Variants in TSHR observed in about 807,000 individuals in gnomAD.
TSHR encodes the protein thyrotropin receptor.
A neutral mutation model predicts 64.1 loss-of-function variants in TSHR; 51 were observed. The observed-to-expected ratio is 0.80, with a 90% CI of 0.64 to 1.01. The LOEUF is 1.01. Ranked by LOEUF, TSHR falls within the 50% of genes least tolerant of loss-of-function variation. TSHR has a pLI of 0.00. For missense variants in TSHR, 877 were observed against 942.8 expected, an observed-to-expected ratio of 0.93 and a Z score of 0.91; for synonymous variants, 361 against 361.9, an observed-to-expected ratio of 1.00 and a Z score of 0.03.
intron 8 of TSHR, among the ~76,000 whole-genome samples, chr14:81,128,134 T>G (rs1407243128): frequency 6.6e-6 from 1 of 152,234 alleles, no homozygotes; most frequent in African/African-American, 2.4e-5. Flanking sequence ...CACATAGACT[T>G]TAAGAAAAGA....
chr14:80,973,723 T>C (rs751483635), intron 1 of TSHR, among the ~76,000 whole-genome samples: 13 of 152,242 alleles, frequency 8.5e-5, no homozygotes, highest in Non-Finnish European at 1.6e-4. Flanking sequence ...ATCCTATTTC[T>C]ATCGATGTTT....
chr14:81,128,182 C>T (rs764141125), intron 8 of TSHR, among the ~76,000 whole-genome samples: 3 of 152,274 alleles, frequency 2.0e-5, no homozygotes, highest in Admixed American at 6.5e-5. Context: ...TAGTCAGACA[C>T]GAATTTTCTT....
At chr14:81,041,615 C>A (rs1156235441) in intron 1 of TSHR, among the ~76,000 whole-genome samples, 1 of 152,068 alleles carries the variant, frequency 6.6e-6, no homozygotes, top group African/African-American at 2.4e-5. Context: ...CAACAAACCC[C>A]CAGGACACAA....
intron 1 of TSHR, among the ~76,000 whole-genome samples, chr14:80,974,943 A>G (rs1208319520): frequency 6.6e-6 from 1 of 152,260 alleles, no homozygotes; most frequent in East Asian, 1.9e-4. Flanking sequence ...TTACACAGTA[A>G]GAGTGCTAAG....
intron 1 of TSHR, among the ~76,000 whole-genome samples, chr14:80,956,488 T>G (rs977379674): frequency 6.6e-6 from 1 of 152,342 alleles, no homozygotes; most frequent in Admixed American, 6.5e-5. Flanking sequence ...ATCTGCATGT[T>G]AAATGTTACC....
intron 8 of TSHR, among the ~76,000 whole-genome samples, chr14:81,138,783 A>C (rs2140100536): frequency 6.6e-6 from 1 of 152,352 alleles, no homozygotes; most frequent in South Asian, 2.1e-4. Flanking sequence ...AAATGGAATT[A>C]TCTTCTATGA....
chr14:81,136,752 C>G (rs932645648), intron 8 of TSHR, among the ~76,000 whole-genome samples: 2 of 152,200 alleles, frequency 1.3e-5, no homozygotes, highest in Admixed American at 1.3e-4. Flanking sequence ...CCAACATCTA[C>G]TTTCTCCTTG....
chr14:81,002,339 C>T (rs1016144223), intron 1 of TSHR, among the ~76,000 whole-genome samples: 2 of 152,072 alleles, frequency 1.3e-5, no homozygotes, highest in Non-Finnish European at 2.9e-5. Flanking sequence ...AAGCTGAATT[C>T]AAATCCTATC....
At chr14:81,123,800 A>C (rs1394634709) in intron 8 of TSHR, among the ~76,000 whole-genome samples, 1 of 152,264 alleles carries the variant, frequency 6.6e-6, no homozygotes, top group Non-Finnish European at 1.5e-5. Context: ...AAAAAGACTT[A>C]TAAATTTAGT....
intron 1 of TSHR, among the ~76,000 whole-genome samples, chr14:80,974,416 G>A (rs1218353974): frequency 1.3e-5 from 2 of 152,180 alleles, no homozygotes; most frequent in African/African-American, 4.8e-5. Flanking sequence ...ACATAAATCT[G>A]TAAGAATGAT....
At chr14:81,067,027 A>T (rs1422770699) in intron 2 of TSHR, among the ~76,000 whole-genome samples, 1 of 152,164 alleles carries the variant, frequency 6.6e-6, no homozygotes, top group African/African-American at 2.4e-5. Context: ...CTTTTTCAGT[A>T]CTTGAAGCTT....
chr14:80,969,842 C>T (rs1489621781), intron 1 of TSHR, among the ~76,000 whole-genome samples: 1 of 152,186 alleles, frequency 6.6e-6, no homozygotes, highest in East Asian at 1.9e-4. Flanking sequence ...TAGATATAGC[C>T]ATATTTGTTT....
chr14:81,070,023 C>T (rs1350250304), intron 3 of TSHR, among the ~76,000 whole-genome samples: 2 of 152,016 alleles, frequency 1.3e-5, no homozygotes, highest in East Asian at 1.9e-4. Context: ...AGAGATTAGG[C>T]ATAGCTCAAA....
rs954484908 is a variant in TSHR at position 81,092,559 on chromosome 14, T to C, written c.496T>C (p.Ser166Pro). Reference sequence around the variant, plus strand: ...AATTACAGACAACCCTTACATGACGTCAATCCCTGTGAATGCTTTTCAGGG... The same window carrying C: ...AATTACAGACAACCCTTACATGACGCCAATCCCTGTGAATGCTTTTCAGGG... Reference protein sequence around the residue: ...LEITDNPYMTSIPVNAFQGLC... With the variant: ...LEITDNPYMTPIPVNAFQGLC... The change falls in exon 6 of 10, where the codon TCA (serine) becomes CCA (proline). Residue 166 changes from serine (S) to proline (P), a missense_variant. By Grantham distance (74) the Ser-to-Pro change is moderately conservative. Coordinates refer to ENST00000298171, the MANE Select transcript of TSHR (RefSeq NM_000369.5). 9.3e-6 allele frequency: 15 copies of C among 1,614,134 alleles called. No individual in the cohort carries two copies. The South Asian group carries it at 1.6e-4, about 18-fold the overall frequency.
chr14:80,988,818 T>C (rs1888596713), intron 1 of TSHR, among the ~76,000 whole-genome samples: 1 of 152,202 alleles, frequency 6.6e-6, no homozygotes, highest in Non-Finnish European at 1.5e-5. Flanking sequence ...GTCTTCTTGG[T>C]CCACACCTCC....
At chr14:81,132,555 C>T (rs1891290748) in intron 8 of TSHR, among the ~76,000 whole-genome samples, 1 of 152,166 alleles carries the variant, frequency 6.6e-6, no homozygotes, top group Admixed American at 6.5e-5. Context: ...AAATTCAGGT[C>T]CTGTTACTTT....
chr14:81,064,204 T>G (rs1429937183), intron 2 of TSHR, among the ~76,000 whole-genome samples: 1 of 152,130 alleles, frequency 6.6e-6, no homozygotes, highest in Non-Finnish European at 1.5e-5. Context: ...GTGAAGAGGC[T>G]GATGCAGTGC....
At chr14:80,965,307 C>T (rs540236182) in intron 1 of TSHR, among the ~76,000 whole-genome samples, 2 of 152,196 alleles carry the variant, frequency 1.3e-5, no homozygotes, top group African/African-American at 2.4e-5. Context: ...TTGCTGTTTA[C>T]TCATAGAGCC....
intron 1 of TSHR, among the ~76,000 whole-genome samples, chr14:80,983,958 T>G (rs1480533803): frequency 4.6e-5 from 7 of 152,246 alleles, no homozygotes; most frequent in African/African-American, 1.7e-4. Context: ...TAGATCCATC[T>G]GTGGCTTAAA....
Sources: allele counts gnomAD v4.1 joint callset (sites outside exome capture counted in the v4.1 genomes callset), GRCh38; gene constraint gnomAD v4.1.1; transcripts MANE v1.5; gene names NCBI Gene and HGNC (gene_info 2026-07-23, HGNC 2026-07-21).